MDFIC2: variants seen among roughly 807,000 people sequenced by gnomAD.
MDFIC2 encodes the protein MyoD family inhibitor domain containing 2.
intron 2 of MDFIC2, among the ~76,000 whole-genome samples, chr3:70,225,053 T>G (rs1701490755): frequency 6.6e-6 from 1 of 152,200 alleles, no homozygotes; most frequent in African/African-American, 2.4e-5. Context: ...AATATATTTC[T>G]CTAATATATC....
chr3:70,307,758 G>T (rs1009668040), intron 2 of MDFIC2, among the ~76,000 whole-genome samples: 1 of 152,086 alleles, frequency 6.6e-6, no homozygotes, highest in African/African-American at 2.4e-5. Context: ...CTGTTTCTTA[G>T]TTCTTGTCCT....
intron 2 of MDFIC2, among the ~76,000 whole-genome samples, chr3:70,305,897 A>G (rs553497616): frequency 6.6e-6 from 1 of 152,312 alleles, no homozygotes; most frequent in East Asian, 1.9e-4. Flanking sequence ...TATATTGAAA[A>G]GGGAATTTTT....
At chr3:70,218,767 T>C (rs1316379697) in intron 2 of MDFIC2, among the ~76,000 whole-genome samples, 1 of 152,114 alleles carries the variant, frequency 6.6e-6, no homozygotes, top group Non-Finnish European at 1.5e-5. Context: ...AAAAAAAAAT[T>C]CTTCAGCATT....
chr3:70,228,572 A>G (rs913909493), intron 2 of MDFIC2, among the ~76,000 whole-genome samples: 11 of 151,642 alleles, frequency 7.3e-5, no homozygotes, highest in Non-Finnish European at 1.5e-4. Context: ...TAAGTAAATG[A>G]AAGGAAAATA....
At chr3:70,210,833 A>G (rs891211344) in intron 2 of MDFIC2, among the ~76,000 whole-genome samples, 1 of 152,072 alleles carries the variant, frequency 6.6e-6, no homozygotes. Flanking sequence ...GGTAATTGCA[A>G]GAACAAATGG....
chr3:70,213,053 C>T (rs1365785375), intron 2 of MDFIC2, among the ~76,000 whole-genome samples: 5 of 152,060 alleles, frequency 3.3e-5, no homozygotes, highest in Admixed American at 3.3e-4. Context: ...AAGGGATTCA[C>T]CTGCCTTGGC....
chr3:70,231,344 C>T (rs1048914346), intron 2 of MDFIC2, among the ~76,000 whole-genome samples: 6 of 152,198 alleles, frequency 3.9e-5, no homozygotes, highest in Admixed American at 3.9e-4. Context: ...AGCAGCCCGC[C>T]ATCTCTCTCT....
intron 2 of MDFIC2, among the ~76,000 whole-genome samples, chr3:70,303,593 A>G (rs1047643390): frequency 2.0e-5 from 3 of 152,134 alleles, no homozygotes; most frequent in Admixed American, 1.3e-4. Context: ...CAGAATCAGT[A>G]TATGTTATTT....
intron 2 of MDFIC2, among the ~76,000 whole-genome samples, chr3:70,305,206 G>A (rs938435387): frequency 3.9e-5 from 6 of 152,080 alleles, no homozygotes; most frequent in African/African-American, 1.4e-4. Context: ...ACTTACAAGG[G>A]CATATTTTCA....
chr3:70,202,081 T>C (rs149698741), intron 3 of MDFIC2, among the ~76,000 whole-genome samples: 8 of 152,270 alleles, frequency 5.3e-5, no homozygotes, highest in African/African-American at 1.4e-4. Flanking sequence ...GTCTATCTGA[T>C]AGTGGTTAGT....
At chr3:70,253,096 G>T (rs574103889) in intron 2 of MDFIC2, among the ~76,000 whole-genome samples, 2 of 151,762 alleles carry the variant, frequency 1.3e-5, no homozygotes, top group South Asian at 2.1e-4. Flanking sequence ...AAAAAAAATC[G>T]AAGAGAAACT....
intron 2 of MDFIC2, among the ~76,000 whole-genome samples, chr3:70,207,361 A>C (rs1701302783): frequency 6.6e-6 from 1 of 152,080 alleles, no homozygotes; most frequent in Admixed American, 6.6e-5. Flanking sequence ...GTTCCTATTC[A>C]GGTGATAGCC....
rs144140988 is a variant in MDFIC2 at position 70,265,447 on chromosome 3, C to T, written c.88+46439G>A. On this transcript the variant is annotated intron_variant, in intron 2 of 3. Transcript: ENST00000567252. The stretch of plus-strand genomic sequence containing the variant: ...TCTCTTGATTTTAGGATTTGATGAC[C>T]ACCACCCCAACCCACCCCACCCTGC... Among the ~76,000 whole-genome samples the T allele has an allele frequency of 1.5e-4, 23 of 152,162 alleles. No individual in the cohort carries two copies. In the East Asian group the frequency reaches 4.5e-3, roughly 30 times the overall value.
chr3:70,243,465 T>A (rs374964900), intron 2 of MDFIC2, among the ~76,000 whole-genome samples: 29 of 152,206 alleles, frequency 1.9e-4, no homozygotes, highest in African/African-American at 7.0e-4. Context: ...TAAATCCTAC[T>A]CACTGCACTG....
At chr3:70,213,719 A>G (rs191583177) in intron 2 of MDFIC2, among the ~76,000 whole-genome samples, 14 of 152,258 alleles carry the variant, frequency 9.2e-5, no homozygotes, top group African/African-American at 1.9e-4. Context: ...GTTAAAATGT[A>G]TGATTATACT....
chr3:70,242,677 A>G (rs1444640908), intron 2 of MDFIC2, among the ~76,000 whole-genome samples: 9 of 152,220 alleles, frequency 5.9e-5, no homozygotes, highest in Non-Finnish European at 1.5e-5. Flanking sequence ...AAAAATGTGT[A>G]TATCTATCGA....
At position 70,240,116 on chromosome 3, in the gene MDFIC2, CAA is replaced by C. The variant is rs1423946491; in HGVS notation, c.89-33328_89-33327del. On this transcript the variant is annotated intron_variant, in intron 2 of 3. Coordinates refer to ENST00000567252, the MANE Select transcript of MDFIC2 (RefSeq NM_001364677.1). ...TCTTTAACTAGAAGCCCAAGATAAG[CAA>C]GGACTTAATGTAAATTTTTAAAATA... is the stretch of plus-strand genomic sequence containing the variant. Among the ~76,000 whole-genome samples, 7 of 151,968 alleles carry C rather than the reference CAA, an allele frequency of 4.6e-5. No individual in the cohort carries two copies. The East Asian group carries it at 1.4e-3, about 29-fold the overall frequency.
chr3:70,253,834 C>T (rs945981568), intron 2 of MDFIC2, among the ~76,000 whole-genome samples: 1 of 152,118 alleles, frequency 6.6e-6, no homozygotes, highest in Non-Finnish European at 1.5e-5. Context: ...AGATGTGAAA[C>T]TCTTGTATTA....
rs994985708 is a variant in MDFIC2, at chr3:70,307,876, C to T, written c.88+4010G>A. On this transcript the variant is annotated intron_variant, in intron 2 of 3. Transcript: ENST00000567252. Reference sequence around the variant, plus strand: ...CATTATTCCGTATATGAATAATCAGCCAATATGCCCATTTCCCTAGCACTG... The same window carrying T: ...CATTATTCCGTATATGAATAATCAGTCAATATGCCCATTTCCCTAGCACTG... Among the ~76,000 whole-genome samples, 3 of 152,182 alleles carry T rather than the reference C, an allele frequency of 2.0e-5. No individual in the cohort carries two copies. In the South Asian group the frequency reaches 6.2e-4, roughly 31 times the overall value.
Sources: allele counts gnomAD v4.1 joint callset (sites outside exome capture counted in the v4.1 genomes callset), GRCh38; gene constraint gnomAD v4.1.1; transcripts MANE v1.5; gene names NCBI Gene and HGNC (gene_info 2026-07-23, HGNC 2026-07-21).